SORBS2: variants seen among roughly 807,000 people sequenced by gnomAD.
SORBS2 encodes the protein sorbin and SH3 domain-containing protein 2.
A neutral mutation model predicts 97.7 loss-of-function variants in SORBS2; 46 were observed. The observed-to-expected ratio is 0.47, with a 90% CI of 0.37 to 0.60. The LOEUF is 0.60. SORBS2 is among the 20% of genes least tolerant of loss of function. The pLI is 0.00. For missense variants in SORBS2, 1,316 were observed against 1,282.3 expected (o/e 1.03, Z -0.40); for synonymous variants, 476 against 473.4 (o/e 1.01, Z -0.07).
intron 2 of SORBS2, among the ~76,000 whole-genome samples, chr4:185,735,059 C>T (rs756208468): frequency 6.6e-6 from 1 of 152,224 alleles, no homozygotes; most frequent in Non-Finnish European, 1.5e-5. Context: ...CTCTCTCAGA[C>T]ACATTATAAG....
At chr4:185,761,136 A>G (rs1335057747) in intron 2 of SORBS2, among the ~76,000 whole-genome samples, 2 of 152,228 alleles carry the variant, frequency 1.3e-5, no homozygotes, top group African/African-American at 4.8e-5. Context: ...AACTCCTTCC[A>G]TGCCCCAAAG....
chr4:185,904,989 A>G (rs1001633773), intron 1 of SORBS2, among the ~76,000 whole-genome samples: 2 of 152,150 alleles, frequency 1.3e-5, no homozygotes, highest in Non-Finnish European at 2.9e-5. Flanking sequence ...CTATAGTCCC[A>G]GCTACTCGGG....
chr4:185,730,882 C>T (rs1013599497), intron 2 of SORBS2, among the ~76,000 whole-genome samples: 2 of 152,158 alleles, frequency 1.3e-5, no homozygotes, highest in Admixed American at 6.5e-5. Flanking sequence ...TGCAGCCTGA[C>T]GTAGCTGCAG....
At chr4:185,829,050 C>T (rs1325557445) in intron 1 of SORBS2, among the ~76,000 whole-genome samples, 1 of 152,164 alleles carries the variant, frequency 6.6e-6, no homozygotes, top group Non-Finnish European at 1.5e-5. Flanking sequence ...TTGAAATGTG[C>T]TCAGTTTCCA....
intron 4 of SORBS2, among the ~76,000 whole-genome samples, chr4:185,642,415 TA>T (rs941672123): frequency 3.3e-5 from 5 of 151,796 alleles, no homozygotes; most frequent in African/African-American, 1.2e-4. Context: ...TTTTTTTTTT[TA>T]AATTTAACAT....
chr4:185,622,762 G>T, intron 7 of SORBS2, 152 bp downstream of exon 19: 1 of 663,752 alleles, frequency 1.5e-6, no homozygotes, highest in South Asian at 2.2e-5. Context: ...TATTCAGTAA[G>T]ACATATTTGC....
upstream of SORBS2, chr4:185,657,064 C>A (rs569707808): frequency 5.8e-5 from 24 of 414,856 alleles, no homozygotes; most frequent in South Asian, 1.9e-3. Flanking sequence ...TCAATGCAGC[C>A]AAAGAATTTC....
rs189548298 is a variant in SORBS2 at position 185,747,854 on chromosome 4, G to A, written c.-198+27373C>T. On this transcript the variant is annotated intron_variant, in intron 2 of 20. Coordinates refer to the SORBS2 transcript ENST00000284776. ...AAAATACAAAAAATTAGCCGGGCAC[G>A]GTGGAGGGCGCCGGTAATCCCAGCT... Among the ~76,000 whole-genome samples, 11 of 152,204 alleles carry A rather than the reference G, an allele frequency of 7.2e-5. 1 individual carries two copies. The highest frequency in any genetic ancestry group is 4.4e-5 in the Non-Finnish European group (3 of 67,990).
chr4:185,895,043 T>C (rs1466263509), intron 1 of SORBS2, among the ~76,000 whole-genome samples: 1 of 152,226 alleles, frequency 6.6e-6, no homozygotes, highest in Non-Finnish European at 1.5e-5. Context: ...TTTGCACACT[T>C]ACTTTAATTT....
chr4:185,842,938 A>AAAT (rs1474541844), intron 1 of SORBS2, among the ~76,000 whole-genome samples: 1 of 151,708 alleles, frequency 6.6e-6, no homozygotes, highest in East Asian at 1.9e-4. Flanking sequence ...TCTAAAAAAA[A>AAAT]AAAAAAAAAA....
intron 4 of SORBS2, among the ~76,000 whole-genome samples, chr4:185,675,696 T>TAAGG (rs760760390): frequency 1.4e-4 from 22 of 152,074 alleles, no homozygotes; most frequent in Non-Finnish European, 3.1e-4. Flanking sequence ...CTGCATAGAG[T>TAAGG]AAGGCCTTAA....
intron 1 of SORBS2, among the ~76,000 whole-genome samples, chr4:185,907,358 G>A (rs544958869): frequency 6.6e-6 from 1 of 152,252 alleles, no homozygotes; most frequent in African/African-American, 2.4e-5. Flanking sequence ...CTCGTTTAGA[G>A]CACTTTAATG....
intron 2 of SORBS2, among the ~76,000 whole-genome samples, chr4:185,769,890 T>C (rs2098959678): frequency 6.6e-6 from 1 of 152,222 alleles, no homozygotes; most frequent in African/African-American, 2.4e-5. Context: ...ACCGTTTTCC[T>C]TTCTCAGCTG....
rs1412510587 is a variant in SORBS2 at position 185,607,031 on chromosome 4, C to T, written c.2796+4749G>A. On this transcript the variant is annotated intron_variant, in intron 12 of 14. Coordinates refer to ENST00000418609, the Ensembl canonical transcript of SORBS2. The surrounding 1 kb of genome is among the most constrained non-coding windows in gnomAD (Gnocchi z 5.2). ...TGGGCTGCAGCCGAGGCCACACCCG[C>T]GTGAGTGGAAGGTGATTCGGCAGGT... The T allele has an allele frequency of 3.3e-5, 34 of 1,020,702 alleles. No individual in the cohort carries two copies. The Admixed American group carries it at 5.4e-4, about 16-fold the overall frequency. The allele number at this position is 1,020,702 out of a possible 1,614,324, so 63.2% of individuals were successfully genotyped here. A position where few individuals can be genotyped will look rare whatever the true frequency, so the allele number is the denominator to read the frequency against.
Position 185,678,827 on chromosome 4 carries a change from AAG to A in SORBS2, c.-197-7_-197-6del. On this transcript the variant is annotated splice_polypyrimidine_tract_variant and splice_region_variant and intron_variant, in intron 2 of 20. Coordinates refer to the SORBS2 transcript ENST00000284776. The stretch of plus-strand genomic sequence containing the variant: ...CTGGTGACTGAGAATCACGCCCTGA[AAG>A]AAAAAAAAATGTTGAAATTAAGACT... 6.9e-7 allele frequency: 1 copy of A among 1,450,228 alleles called. No individual in the cohort carries two copies. 89.8% of individuals were successfully genotyped at this position (1,450,228 alleles called of 1,614,324 possible).
intron 5 of SORBS2, among the ~76,000 whole-genome samples, chr4:185,628,682 G>A (rs151009363): frequency 0.047 from 7,108 of 152,266 alleles, 524 homozygotes; most frequent in African/African-American, 0.16. Flanking sequence ...ACAGGAGTTT[G>A]AGGCTGCAGT....
intron 2 of SORBS2, among the ~76,000 whole-genome samples, chr4:185,760,027 T>C (rs1291623863): frequency 1.3e-5 from 2 of 152,164 alleles, no homozygotes; most frequent in Admixed American, 6.5e-5. Context: ...TGAAATGGTG[T>C]GTACTCAAGG....
At chr4:185,909,971 T>G (rs563541452) in intron 1 of SORBS2, among the ~76,000 whole-genome samples, 11 of 132,972 alleles carry the variant, frequency 8.3e-5, no homozygotes, top group Non-Finnish European at 1.5e-4. Flanking sequence ...GTGACAGAGC[T>G]AGACTCCATC....
At chr4:185,783,375 A>AGTTCTCAGGAG (rs2099040516) in intron 1 of SORBS2, among the ~76,000 whole-genome samples, 1 of 152,250 alleles carries the variant, frequency 6.6e-6, no homozygotes, top group East Asian at 1.9e-4. Context: ...CTGCAGTAAT[A>AGTTCTCAGGAG]TAGATCTCCT....
Sources: gnomAD v4.1 joint callset for allele counts (sites outside exome capture counted in the v4.1 genomes callset) on GRCh38, gnomAD v4.1.1 for gene constraint, Gnocchi (gnomAD v3.1) non-coding constraint, MANE v1.5 for transcripts, NCBI Gene and HGNC (gene_info 2026-07-23, HGNC 2026-07-21) for gene names.